Variants in C16orf74 observed in about 807,000 individuals in gnomAD.
C16orf74 encodes uncharacterized protein C16orf74.
In C16orf74, 10 loss-of-function variants were observed where a neutral mutation model predicts 6.5. The observed-to-expected ratio is 1.54, with a 90% CI of 0.95 to 2.61. C16orf74 has a LOEUF of 2.61. Ranked by LOEUF, C16orf74 falls within the 30% of genes most tolerant of loss-of-function variation. The probability of loss-of-function intolerance (pLI) is 0.00; values close to 1 mark genes in which losing one functional copy is unlikely to be tolerated. For synonymous variants in C16orf74, 60 were observed against 42.5 expected (o/e 1.41, Z -1.60); for missense variants, 141 against 105.9 (o/e 1.33, Z -1.45).
chr16:85,735,328 T>C, intron 1 of C16orf74, 93 bp from the exon 2 acceptor site: 2 of 760,124 alleles, frequency 2.6e-6, no homozygotes, highest in Non-Finnish European at 2.0e-6. Context: ...CCCTGATGAG[T>C]GCAAAACAGG....
At chr16:85,714,241 T>C (rs1410723303) in intron 2 of C16orf74, among the ~76,000 whole-genome samples, 1 of 151,996 alleles carries the variant, frequency 6.6e-6, no homozygotes, top group Non-Finnish European at 1.5e-5. Context: ...GAGCCCCCTT[T>C]GTCCTGTGCA....
chr16:85,707,966 C>T lies in C16orf74; in HGVS notation c.*42G>A. ...ACGCCCCCGGACACCTGAAGCCGGG[C>T]CGCTGGAGCAGGAGCCAGCCAGCCA... On this transcript the variant is annotated 3_prime_UTR_variant, in exon 4 of 4. Coordinates refer to ENST00000284245, the MANE Select transcript of C16orf74 (RefSeq NM_206967.3). The T allele has an allele frequency of 6.5e-7, 1 of 1,533,068 alleles. No homozygotes were observed. Among genetic ancestry groups the T allele is most frequent in the Non-Finnish European group, 8.8e-7 (1 of 1,131,890 alleles). 95.0% of individuals were successfully genotyped at this position (1,533,068 alleles called of 1,614,324 possible).
intron 3 of C16orf74, 83 bp downstream of exon 3, chr16:85,710,081 T>G (rs1236665351): frequency 1.5e-5 from 18 of 1,216,092 alleles, no homozygotes; most frequent in Non-Finnish European, 1.8e-5. Context: ...CTAGGCCCCG[T>G]GGCCAGGAAG....
chr16:85,742,173 G>A (rs2054316175), intron 1 of C16orf74, among the ~76,000 whole-genome samples: 1 of 152,310 alleles, frequency 6.6e-6, no homozygotes, highest in South Asian at 2.1e-4. Flanking sequence ...AGGAGTTTGA[G>A]ACCAGCCTGG....
At chr16:85,716,516 G>C (rs2054025629) in intron 2 of C16orf74, among the ~76,000 whole-genome samples, 1 of 139,104 alleles carries the variant, frequency 7.2e-6, no homozygotes, top group Non-Finnish European at 1.6e-5. Context: ...GGAGGGAGGA[G>C]ACAGGGGAGA....
intron 1 of C16orf74, among the ~76,000 whole-genome samples, chr16:85,749,733 G>C (rs1213671786): frequency 1.3e-5 from 2 of 152,244 alleles, no homozygotes; most frequent in African/African-American, 2.4e-5. Context: ...CTGACGGCAC[G>C]CTCCCATTTC....
In C16orf74 at chr16:85,707,858, G is replaced by C. The variant is rs2053927996; in HGVS notation, c.*150C>G. On this transcript the variant is annotated 3_prime_UTR_variant, in exon 4 of 4. Transcript: ENST00000284245. ...AAGTGGACAGGCTGGATTCCTCGCT[G>C]GTCCTGCCACGTCTCTCTGAGCGGA... 1 of 647,050 alleles carries C rather than the reference G, an allele frequency of 1.5e-6. No homozygotes were observed. Among genetic ancestry groups the C allele is most frequent in the Non-Finnish European group, 2.7e-6 (1 of 371,878 alleles). The allele number at this position is 647,050 out of a possible 1,614,324, so 40.1% of individuals were successfully genotyped here.
intron 2 of C16orf74, among the ~76,000 whole-genome samples, chr16:85,728,115 G>A (rs1412893111): frequency 1.3e-5 from 2 of 152,108 alleles, no homozygotes; most frequent in Non-Finnish European, 2.9e-5. Context: ...TCCAGCCTGA[G>A]CAACAGAGGG....
chr16:85,738,826 A>G (rs2054272824), intron 1 of C16orf74, among the ~76,000 whole-genome samples: 1 of 152,050 alleles, frequency 6.6e-6, no homozygotes, highest in South Asian at 2.1e-4. Flanking sequence ...CTTTATGTGT[A>G]TTCATGGTTA....
intron 2 of C16orf74, among the ~76,000 whole-genome samples, chr16:85,721,735 G>A (rs2054085011): frequency 6.6e-6 from 1 of 152,130 alleles, no homozygotes; most frequent in Non-Finnish European, 1.5e-5. Flanking sequence ...CAGGGCTGGC[G>A]CTGGCACTCC....
intron 2 of C16orf74, among the ~76,000 whole-genome samples, chr16:85,718,585 C>T (rs1301246145): frequency 2.0e-5 from 3 of 152,224 alleles, no homozygotes; most frequent in African/African-American, 7.2e-5. Context: ...ACCTGCAGAA[C>T]TGGGGTAAAT....
At chr16:85,710,559 G>A (rs1330073201) in intron 2 of C16orf74, 1 of 457,234 alleles carries the variant, frequency 2.2e-6, no homozygotes, top group Non-Finnish European at 3.8e-6. Context: ...TCATAGGCTA[G>A]TTGGCCTCTG....
chr16:85,726,332 G>A (rs2054132595), intron 2 of C16orf74, among the ~76,000 whole-genome samples: 1 of 152,206 alleles, frequency 6.6e-6, no homozygotes, highest in Non-Finnish European at 1.5e-5. Flanking sequence ...CTCAGTACAT[G>A]TTTGTGTGGA....
intron 2 of C16orf74, among the ~76,000 whole-genome samples, chr16:85,711,957 A>G (rs2053974766): frequency 6.6e-6 from 1 of 152,176 alleles, no homozygotes; most frequent in African/African-American, 2.4e-5. Flanking sequence ...GGATGGACTT[A>G]GTGACTTGCT....
intron 1 of C16orf74, chr16:85,741,833 G>A (rs146537681): frequency 6.1e-6 from 1 of 163,380 alleles, no homozygotes; most frequent in African/African-American, 2.4e-5. Flanking sequence ...CAGCCTCCAG[G>A]ACAGGGCCTG....
At chr16:85,735,048 C>T in intron 2 of C16orf74, 142 bp downstream of exon 2, 6 of 546,646 alleles carry the variant, frequency 1.1e-5, no homozygotes, top group Non-Finnish European at 1.2e-5. Flanking sequence ...TTTTAGAGCA[C>T]CTGCTGTGTA....
At chr16:85,721,622 A>G (rs2054083640) in intron 2 of C16orf74, among the ~76,000 whole-genome samples, 1 of 152,074 alleles carries the variant, frequency 6.6e-6, no homozygotes, top group Admixed American at 6.5e-5. Context: ...TTTCCTCCTC[A>G]ATCTGGCAGC....
chr16:85,710,273 G>A lies in C16orf74; in HGVS notation c.63C>T (p.Ser21=). ...FQMCVSSSSS[S]HDEAPVLNDK... is the part of the protein sequence containing the mutation. ...CGTTCAGGACGGGGGCCTCGTCGTG[G>A]CTGCTGCTGCTGCTGCTGACACACA... The change falls in exon 3 of 4, where the codon AGC becomes AGT. Residue 21 remains serine (S), a synonymous_variant. Transcript: ENST00000284245. 7.1e-7 allele frequency: 1 copy of A among 1,402,242 alleles called. No homozygotes were observed. The highest frequency in any genetic ancestry group is 9.4e-7 in the Non-Finnish European group (1 of 1,066,394). 86.9% of individuals were successfully genotyped at this position (1,402,242 alleles called of 1,614,324 possible).
intron 3 of C16orf74, among the ~76,000 whole-genome samples, chr16:85,708,299 C>T (rs11864004): frequency 0.054 from 8,163 of 152,142 alleles, 716 homozygotes; most frequent in African/African-American, 0.19. Flanking sequence ...CCCTGGGGCT[C>T]GGACTTTGTA....
Sources: allele counts gnomAD v4.1 joint callset (sites outside exome capture counted in the v4.1 genomes callset), GRCh38; gene constraint gnomAD v4.1.1; transcripts MANE v1.5; gene names NCBI Gene and HGNC (gene_info 2026-07-23, HGNC 2026-07-21).